Variants in SLC30A3 observed in about 807,000 individuals in gnomAD.
SLC30A3 encodes solute carrier family 30 member 3, also known as probable proton-coupled zinc antiporter SLC30A3.
SLC30A3 carries 20 observed loss-of-function variants against 35.6 expected under a neutral mutation model. The ratio of observed to expected loss-of-function variants is 0.56; its 90% CI spans 0.39 to 0.82. The LOEUF (loss-of-function observed/expected upper bound fraction) is 0.82. SLC30A3 is among the 40% of genes least tolerant of loss of function. SLC30A3 has a pLI of 0.00. For synonymous variants in SLC30A3, 217 were observed against 224.7 expected, an observed-to-expected ratio of 0.97 and a Z score of 0.31; for missense variants, 401 against 530.6, an observed-to-expected ratio of 0.76 and a Z score of 2.40.
chr2:27,270,039 A>G (rs960470849), intron 1 of SLC30A3, among the ~76,000 whole-genome samples: 2 of 152,210 alleles, frequency 1.3e-5, no homozygotes, highest in African/African-American at 4.8e-5. Context: ...GAAGTGATTT[A>G]AGGGCCAAAG....
rs28503298 is a variant in SLC30A3 at position 27,257,055 on chromosome 2, A to T, written c.777+99T>A. On this transcript the variant is annotated intron_variant, in intron 5 of 7. Transcript: ENST00000233535. The surrounding 1 kb of genome is among the most constrained non-coding windows in gnomAD (Gnocchi z 4.7). The stretch of plus-strand genomic sequence containing the variant: ...AGAGTCCTGGGAGGTGGGAGGGAGG[A>T]GCTGGAGGGAGGAGGAAGGAAGCTT... 5 of 1,265,614 alleles carry T rather than the reference A, an allele frequency of 4.0e-6. No individual in the cohort carries two copies. The South Asian group carries it at 6.0e-5, about 15-fold the overall frequency. The allele number at this position is 1,265,614 out of a possible 1,614,324, so 78.4% of individuals were successfully genotyped here.
At position 27,257,333 on chromosome 2, in the gene SLC30A3, G is replaced by T; in HGVS notation, c.598C>A (p.Gln200Lys). Residue 200 changes from glutamine (Q) to lysine (K), a missense_variant, in exon 5 of 8, where the codon CAG becomes AAG. Gln to Lys is a moderately conservative substitution (Grantham distance 53, BLOSUM62 1). Coordinates refer to ENST00000233535, the MANE Select transcript of SLC30A3 (RefSeq NM_003459.5). This position sits in a 1 kb window ranked among gnomAD's most constrained non-coding sequence, Gnocchi z 4.7. ...ANLLMAFVLH[Q>K]AGPPHSHGSR... is the part of the protein sequence containing the mutation. Reference sequence around the variant, plus strand: ...CCGTGGCTGTGGGGGGGCCCAGCCTGGTGCAGCACAAAGGCCATTCTGAGG... The same window carrying T: ...CCGTGGCTGTGGGGGGGCCCAGCCTTGTGCAGCACAAAGGCCATTCTGAGG... 8.7e-6 allele frequency: 14 copies of T among 1,612,654 alleles called. No individual in the cohort carries two copies. Among genetic ancestry groups the T allele is most frequent in the Non-Finnish European group, 1.1e-5 (13 of 1,179,454 alleles).
chr2:27,275,015 T>C (rs1365996696), intron 1 of SLC30A3, among the ~76,000 whole-genome samples: 1 of 151,418 alleles, frequency 6.6e-6, no homozygotes, highest in African/African-American at 2.4e-5. Context: ...ACTGGGAGAG[T>C]GAATGATGGA....
upstream of SLC30A3, chr2:27,263,218 A>T: frequency 1.5e-6 from 1 of 665,904 alleles, no homozygotes; most frequent in Non-Finnish European, 2.0e-6. Context: ...GCGCCCCGCC[A>T]CCCGAGTTCT....
intron 7 of SLC30A3, 169 bp downstream of exon 7, chr2:27,256,217 C>T (rs924191768): frequency 1.7e-5 from 13 of 750,396 alleles, no homozygotes; most frequent in African/African-American, 1.4e-4. Context: ...CATGCACGAG[C>T]GCACGTGCAT....
chr2:27,270,837 G>C lies in SLC30A3; in HGVS notation c.-159+4340C>G, dbSNP rs151055791. On this transcript the variant is annotated intron_variant, in intron 1 of 5. Coordinates refer to the SLC30A3 transcript ENST00000424577. ...CAAACACAATTGGGTGGGTGGTGGT[G>C]GTTTTGGTCACATGTAGTATACATG... 2.9e-3 allele frequency among the ~76,000 whole-genome samples: 448 copies of C among 152,202 alleles called. 6 individuals are homozygous for C. The highest frequency in any genetic ancestry group is 0.011 in the African/African-American group (439 of 41,524).
chr2:27,273,270 G>A (rs1014264104), intron 1 of SLC30A3, among the ~76,000 whole-genome samples: 2 of 152,006 alleles, frequency 1.3e-5, no homozygotes, highest in Non-Finnish European at 2.9e-5. Context: ...TCTTGAAATG[G>A]GAGGGAACAC....
Position 27,258,988 on chromosome 2 carries a change from A to G in SLC30A3, c.96-54T>C, listed in dbSNP as rs1677032621. 43 of 1,429,154 alleles carry G rather than the reference A, an allele frequency of 3.0e-5. No homozygotes were observed. The highest frequency in any genetic ancestry group is 3.9e-5 in the Non-Finnish European group (41 of 1,057,272). The allele number at this position is 1,429,154 out of a possible 1,614,324, so 88.5% of individuals were successfully genotyped here. A position where few individuals can be genotyped will look rare whatever the true frequency, so the allele number is the denominator to read the frequency against. ...GCCTGGCCCACAGGCTGGCCTGCTC[A>G]CTCCACGTCCTTAGTCCCCAGTGCT... On this transcript the variant is annotated intron_variant, in intron 1 of 7. Coordinates refer to ENST00000233535, the MANE Select transcript of SLC30A3 (RefSeq NM_003459.5). The surrounding 1 kb of genome is among the most constrained non-coding windows in gnomAD (Gnocchi z 4.0).
chr2:27,262,912 C>A lies in SLC30A3; in HGVS notation c.-6G>T. 1 of 1,554,818 alleles carries A rather than the reference C, an allele frequency of 6.4e-7. No individual in the cohort carries two copies. Among genetic ancestry groups the A allele is most frequent in the East Asian group, 2.6e-5 (1 of 38,844 alleles). ...GCGGCTGGAGAGGGCTCCATGTTCCCGGTGCCCCGACCGTCTAGGCCCCAC... is the reference window on the plus strand; with the variant it reads ...GCGGCTGGAGAGGGCTCCATGTTCCAGGTGCCCCGACCGTCTAGGCCCCAC... On this transcript the variant is annotated 5_prime_UTR_variant, in exon 1 of 8. Transcript: ENST00000233535. This position sits in a 1 kb window ranked among gnomAD's most constrained non-coding sequence, Gnocchi z 7.5.
chr2:27,262,858 T>C lies in SLC30A3; in HGVS notation c.49A>G (p.Ser17Gly), dbSNP rs575969739. The C allele has an allele frequency of 3.8e-5, 60 of 1,566,370 alleles. 1 individual carries two copies. The highest frequency in any genetic ancestry group is 1.7e-4 in the Middle Eastern group (1 of 5,820). The change falls in exon 1 of 8, where the codon AGC becomes GGC. Residue 17 changes from serine to glycine, a missense_variant. By Grantham distance (56) the Ser-to-Gly change is moderately conservative. Transcript: ENST00000233535. The surrounding 1 kb of genome is among the most constrained non-coding windows in gnomAD (Gnocchi z 7.5). ...AGGLETTRLVSPRDRGGAGGS... is the reference protein window; with the variant it reads ...AGGLETTRLVGPRDRGGAGGS... The stretch of plus-strand genomic sequence containing the variant: ...CCGGCGCCACCGCGGTCCCGGGGGC[T>C]CACCAGGCGAGTGGTCTCCAAGCCC...
intron 1 of SLC30A3, among the ~76,000 whole-genome samples, chr2:27,273,051 AAT>A (rs1553376592): frequency 3.4e-5 from 5 of 145,340 alleles, no homozygotes; most frequent in African/African-American, 5.2e-5. Context: ...AAAAAAAAAA[AAT>A]ATATATATAT....
chr2:27,257,453 G>T lies in SLC30A3; in HGVS notation c.579-101C>A. On this transcript the variant is annotated intron_variant, in intron 4 of 7. Transcript: ENST00000233535. The surrounding 1 kb of genome is among the most constrained non-coding windows in gnomAD (Gnocchi z 4.7). ...CCCCAGTAGCCCTTTCCCAGCCCCT[G>T]GAAGAAAACAGCATTTTGCAAGAGA... The T allele has an allele frequency of 1.8e-6, 2 of 1,134,618 alleles. No individual in the cohort carries two copies. Among genetic ancestry groups the T allele is most frequent in the Non-Finnish European group, 2.6e-6 (2 of 783,040 alleles). The allele number at this position is 1,134,618 out of a possible 1,614,324, so 70.3% of individuals were successfully genotyped here.
upstream of SLC30A3, chr2:27,264,036 T>C (rs1401500177): frequency 2.3e-6 from 3 of 1,288,312 alleles, no homozygotes; most frequent in East Asian, 1.1e-4. This position sits in a 1 kb window ranked among gnomAD's most constrained non-coding sequence, Gnocchi z 6.1. Flanking sequence ...GAGCCTCAAG[T>C]CGAAGCTTCA....
chr2:27,264,078 C>G (rs1363920899), upstream of SLC30A3: 1 of 1,288,108 alleles, frequency 7.8e-7, no homozygotes, highest in Non-Finnish European at 1.0e-6. This position sits in a 1 kb window ranked among gnomAD's most constrained non-coding sequence, Gnocchi z 6.1. Flanking sequence ...TCGCACCTGC[C>G]GCCACTGTAG....
chr2:27,255,494 C>A lies in SLC30A3; in HGVS notation c.1019-34G>T, dbSNP rs1558555489. On this transcript the variant is annotated intron_variant, in intron 7 of 7. Coordinates refer to ENST00000233535, the MANE Select transcript of SLC30A3 (RefSeq NM_003459.5). The surrounding 1 kb of genome is among the most constrained non-coding windows in gnomAD (Gnocchi z 5.2). Reference sequence around the variant, plus strand: ...GAGTGATAAGAGGCGGCATCCATCCCGGGGGAGAAAGAACAGGCAGGGACT... The same window carrying A: ...GAGTGATAAGAGGCGGCATCCATCCAGGGGGAGAAAGAACAGGCAGGGACT... 1.9e-6 allele frequency: 3 copies of A among 1,605,792 alleles called. No homozygotes were observed. In the East Asian group the frequency reaches 6.7e-5, roughly 36 times the overall value.
chr2:27,258,452 CTGTTA>C lies in SLC30A3; in HGVS notation c.278-150_278-146del. ...ATGGGACTACAGGTATAATTAACTA[CTGTTA>C]TGTTATTTTTTTCATTCATCTGTAT... is the stretch of plus-strand genomic sequence containing the variant. On this transcript the variant is annotated intron_variant, in intron 2 of 7. Transcript: ENST00000233535. The surrounding 1 kb of genome is among the most constrained non-coding windows in gnomAD (Gnocchi z 4.0). The C allele has an allele frequency of 9.8e-6, 7 of 711,800 alleles. No homozygotes were observed. The East Asian group carries it at 2.0e-4, about 20-fold the overall frequency. 44.1% of individuals were successfully genotyped at this position (711,800 alleles called of 1,614,324 possible).
chr2:27,256,945 G>C, intron 5 of SLC30A3, 52 bp from the exon 6 acceptor site: 1 of 1,349,762 alleles, frequency 7.4e-7, no homozygotes, highest in East Asian at 2.3e-5. Context: ...TTCAGAGGAA[G>C]ATCTAGGGGT....
At chr2:27,263,272 G>GT, upstream of SLC30A3, 1 of 494,190 alleles carries the variant, frequency 2.0e-6, no homozygotes, top group Non-Finnish European at 3.9e-6. Context: ...AGGCGAGCTA[G>GT]CCCCACCTCT....
Position 27,256,485 on chromosome 2 carries a change from C to A in SLC30A3, c.919G>T (p.Asp307Tyr), listed in dbSNP as rs1676859886. The change falls in exon 7 of 8, where the codon GAT becomes TAT. Residue 307 changes from aspartate to tyrosine, a missense_variant. Transcript: ENST00000233535. ...PRNVGFEPVRDTLLSVPGVRA... is the reference protein window; with the variant it reads ...PRNVGFEPVRYTLLSVPGVRA... Reference sequence around the variant, plus strand: ...ACTCCTGGCACCGACAACAGCGTATCCCGCACAGGTTCGAACCCCACATTG... The same window carrying A: ...ACTCCTGGCACCGACAACAGCGTATACCGCACAGGTTCGAACCCCACATTG... 6.2e-7 allele frequency: 1 copy of A among 1,613,984 alleles called. No homozygotes were observed. The highest frequency in any genetic ancestry group is 1.7e-5 in the Admixed American group (1 of 59,990).
Sources: allele counts gnomAD v4.1 joint callset (sites outside exome capture counted in the v4.1 genomes callset), GRCh38; gene constraint gnomAD v4.1.1; non-coding constraint Gnocchi (gnomAD v3.1); transcripts MANE v1.5; gene names NCBI Gene and HGNC (gene_info 2026-07-23, HGNC 2026-07-21).